HPSE2: variants seen among roughly 807,000 people sequenced by gnomAD.
HPSE2 encodes the protein inactive heparanase-2.
In HPSE2, 38 loss-of-function variants were observed where a neutral mutation model predicts 60.5. The ratio of observed to expected loss-of-function variants is 0.63; its 90% CI spans 0.48 to 0.82. The LOEUF is 0.82. Ranked by LOEUF, HPSE2 falls within the 40% of genes least tolerant of loss-of-function variation. HPSE2 has a pLI of 0.00. For missense variants in HPSE2, 713 were observed against 740.4 expected (o/e 0.96, Z 0.43); for synonymous variants, 295 against 293.2 (o/e 1.01, Z -0.06).
the HPSE2 span, among the ~76,000 whole-genome samples, chr10:99,297,246 C>T: frequency 6.6e-6 from 1 of 152,128 alleles, no homozygotes; most frequent in Non-Finnish European, 1.5e-5. Flanking sequence ...GCTGGCAGCC[C>T]GGTGGGTTAC....
At chr10:98,825,673 A>T (rs1951529140) in intron 3 of HPSE2, among the ~76,000 whole-genome samples, 1 of 152,140 alleles carries the variant, frequency 6.6e-6, no homozygotes, top group Admixed American at 6.5e-5. Context: ...AGTTGATTAT[A>T]GTGGTCTCAC....
chr10:99,186,832 A>G (rs1368185712), intron 2 of HPSE2, among the ~76,000 whole-genome samples: 1 of 152,164 alleles, frequency 6.6e-6, no homozygotes, highest in African/African-American at 2.4e-5. Context: ...GCTGGAGTGC[A>G]GTAACACAGT....
At chr10:98,688,338 G>A (rs571566035) in intron 6 of HPSE2, among the ~76,000 whole-genome samples, 1 of 151,768 alleles carries the variant, frequency 6.6e-6, no homozygotes, top group African/African-American at 2.4e-5. Context: ...TAAATAAATT[G>A]GGGAAAAAGT....
At chr10:98,659,973 A>G (rs1947181264) in intron 6 of HPSE2, among the ~76,000 whole-genome samples, 1 of 152,218 alleles carries the variant, frequency 6.6e-6, no homozygotes, top group South Asian at 2.1e-4. Flanking sequence ...TGAGGCATTA[A>G]TAAGCTAAGG....
intron 3 of HPSE2, among the ~76,000 whole-genome samples, chr10:99,017,098 C>G (rs955725863): frequency 3.0e-4 from 46 of 152,098 alleles, no homozygotes; most frequent in African/African-American, 1.1e-3. Flanking sequence ...ACTATCCTGT[C>G]TTGTGCCAGT....
At chr10:99,049,444 C>T (rs747988080) in intron 3 of HPSE2, among the ~76,000 whole-genome samples, 1 of 151,988 alleles carries the variant, frequency 6.6e-6, no homozygotes, top group African/African-American at 2.4e-5. Context: ...GTAAGATAAA[C>T]ATCAAGAGAT....
At chr10:98,693,128 GCA>G (rs1448961746) in intron 6 of HPSE2, among the ~76,000 whole-genome samples, 1 of 152,202 alleles carries the variant, frequency 6.6e-6, no homozygotes, top group Non-Finnish European at 1.5e-5. Flanking sequence ...CTGAGTAAAA[GCA>G]CAGTCTGAGT....
rs554377384 is a variant in HPSE2 at position 99,043,047 on chromosome 10, A to G, written c.610+101191T>C. 1.4e-4 allele frequency among the ~76,000 whole-genome samples: 22 copies of G among 152,316 alleles called. 1 individual carries two copies. In the South Asian group the frequency reaches 3.3e-3, roughly 23 times the overall value. ...CTAAAAACATCCAGAAACGAAGCCA[A>G]CTGACTATACTCAACTTACACCACA... On this transcript the variant is annotated intron_variant, in intron 3 of 11. Transcript: ENST00000370552.
chr10:99,057,690 T>C (rs554164002), intron 3 of HPSE2, among the ~76,000 whole-genome samples: 6 of 152,210 alleles, frequency 3.9e-5, no homozygotes, highest in Non-Finnish European at 7.3e-5. Flanking sequence ...ATCAAGTTCA[T>C]TCAAGTCAGG....
At chr10:99,069,661 T>C (rs1041066963) in intron 3 of HPSE2, among the ~76,000 whole-genome samples, 43 of 151,384 alleles carry the variant, frequency 2.8e-4, no homozygotes, top group Non-Finnish European at 4.4e-4. Flanking sequence ...TTGTGAGTGA[T>C]GTTACGAAAA....
At chr10:98,799,245 G>A (rs981268669) in intron 3 of HPSE2, among the ~76,000 whole-genome samples, 4 of 152,110 alleles carry the variant, frequency 2.6e-5, no homozygotes, top group Non-Finnish European at 4.4e-5. Context: ...TATAACAATT[G>A]TAAATATATA....
chr10:98,656,347 AG>A (rs1290344217), intron 6 of HPSE2, among the ~76,000 whole-genome samples: 5 of 152,108 alleles, frequency 3.3e-5, no homozygotes, highest in African/African-American at 1.2e-4. Flanking sequence ...AGCCTCCCAA[AG>A]TGCTGGGATT....
intron 3 of HPSE2, among the ~76,000 whole-genome samples, chr10:98,952,731 A>C (rs987358446): frequency 3.9e-5 from 6 of 152,090 alleles, no homozygotes; most frequent in African/African-American, 1.4e-4. Flanking sequence ...GGTTCTGGTG[A>C]GGGCTCTTTT....
At chr10:98,925,133 T>C (rs1954413311) in intron 3 of HPSE2, among the ~76,000 whole-genome samples, 1 of 152,208 alleles carries the variant, frequency 6.6e-6, no homozygotes. Context: ...AAAGTATCTC[T>C]TCTGCCCTCC....
intron 11 of HPSE2, among the ~76,000 whole-genome samples, chr10:98,478,941 T>C (rs1250118208): frequency 6.6e-6 from 1 of 152,162 alleles, no homozygotes; most frequent in African/African-American, 2.4e-5. Flanking sequence ...GATTGGTTCA[T>C]TCACTGAGAT....
chr10:99,106,361 T>C (rs1436528915), intron 3 of HPSE2, among the ~76,000 whole-genome samples: 1 of 152,134 alleles, frequency 6.6e-6, no homozygotes, highest in Non-Finnish European at 1.5e-5. Context: ...ATGAAGTTTC[T>C]TCTAGTTTGC....
chr10:98,638,662 C>G (rs1037750908), intron 7 of HPSE2, among the ~76,000 whole-genome samples: 1 of 152,124 alleles, frequency 6.6e-6, no homozygotes, highest in Admixed American at 6.5e-5. Context: ...TCTCCTAGCT[C>G]TCATGTCCCC....
Position 99,013,322 on chromosome 10 carries a change from G to C in HPSE2, c.610+130916C>G, listed in dbSNP as rs145887187. The C allele has an allele frequency of 1.2e-3, 730 of 616,836 alleles. 3 individuals carry two copies. Among genetic ancestry groups the C allele is most frequent in the African/African-American group, 7.5e-3 (409 of 54,700 alleles). 38.2% of individuals were successfully genotyped at this position (616,836 alleles called of 1,614,324 possible). On this transcript the variant is annotated intron_variant, in intron 3 of 11. Transcript: ENST00000370552. Reference sequence around the variant, plus strand: ...GGTCCTCATGTGCTAACATTTTATAGAGTTCTCTAGTTACAGAAATCCTCT... The same window carrying C: ...GGTCCTCATGTGCTAACATTTTATACAGTTCTCTAGTTACAGAAATCCTCT...
intron 3 of HPSE2, among the ~76,000 whole-genome samples, chr10:98,901,774 A>C (rs140330196): frequency 6.6e-6 from 1 of 152,324 alleles, no homozygotes; most frequent in African/African-American, 2.4e-5. Flanking sequence ...GAATGATTTT[A>C]AGCAAGCTAC....
Sources: gnomAD v4.1 joint callset for allele counts (sites outside exome capture counted in the v4.1 genomes callset) on GRCh38, gnomAD v4.1.1 for gene constraint, MANE v1.5 for transcripts, NCBI Gene and HGNC (gene_info 2026-07-23, HGNC 2026-07-21) for gene names.